ARHGAP32: variants seen among roughly 807,000 people sequenced by gnomAD.
ARHGAP32 encodes the protein rho GTPase-activating protein 32.
In ARHGAP32, 51 loss-of-function variants were observed where a neutral mutation model predicts 186.5. The ratio of observed to expected loss-of-function variants is 0.27; its 90% CI spans 0.22 to 0.35. The LOEUF (loss-of-function observed/expected upper bound fraction) is 0.35, where lower values mean the gene tolerates loss of function less well. ARHGAP32 is among the 10% of genes least tolerant of loss of function. The pLI is 1.00. For missense variants in ARHGAP32, 2,186 were observed against 2,623.5 expected (o/e 0.83, Z 3.64); for synonymous variants, 950 against 964.3 (o/e 0.99, Z 0.27).
intron 6 of ARHGAP32, among the ~76,000 whole-genome samples, chr11:129,082,128 C>T (rs1188704948): frequency 6.6e-6 from 1 of 151,970 alleles, no homozygotes; most frequent in Non-Finnish European, 1.5e-5. Context: ...CTAATGGAAA[C>T]ACATCCCATG....
At chr11:129,062,385 T>C (rs781527288) in intron 9 of ARHGAP32, 28 bp from the exon 10 acceptor site, 25 of 1,587,066 alleles carry the variant, frequency 1.6e-5, no homozygotes, top group Non-Finnish European at 8.6e-6. Context: ...TTAAGCAAAA[T>C]GGTTTTAGTT....
At chr11:129,233,805 A>G (rs982528109) in intron 1 of ARHGAP32, among the ~76,000 whole-genome samples, 6 of 152,068 alleles carry the variant, frequency 3.9e-5, no homozygotes, top group African/African-American at 1.4e-4. Flanking sequence ...TTAATATACT[A>G]AAGTTTTAAT....
chr11:129,058,826 A>C (rs1042156400), intron 10 of ARHGAP32, among the ~76,000 whole-genome samples: 1 of 152,244 alleles, frequency 6.6e-6, no homozygotes, highest in African/African-American at 2.4e-5. Context: ...TGTCTGATGT[A>C]CAGTTACCAT....
At chr11:129,242,653 G>C (rs1411386476) in intron 1 of ARHGAP32, among the ~76,000 whole-genome samples, 1 of 150,940 alleles carries the variant, frequency 6.6e-6, no homozygotes, top group Non-Finnish European at 1.5e-5. Flanking sequence ...GGGAGGTGGA[G>C]CTTGCAGTGA....
At chr11:129,160,545 G>A (rs991484793) in intron 2 of ARHGAP32, among the ~76,000 whole-genome samples, 1 of 152,010 alleles carries the variant, frequency 6.6e-6, no homozygotes, top group Non-Finnish European at 1.5e-5. Flanking sequence ...AAAATACCTA[G>A]GATGATGATA....
chr11:129,093,805 T>G (rs1941652799), intron 5 of ARHGAP32, 98 bp from the exon 6 acceptor site: 1 of 809,976 alleles, frequency 1.2e-6, no homozygotes. Context: ...CATCTCCGGG[T>G]GAGCATCAGC....
rs528308891 is a variant in ARHGAP32, at chr11:129,022,511, T to C, written c.1045+18417A>G. On this transcript the variant is annotated intron_variant, in intron 11 of 22. Coordinates refer to ENST00000682385, the MANE Select transcript of ARHGAP32 (RefSeq NM_001378024.1). ...AATTCAGTCCCTAATCACTTTCCAG[T>C]TGCAAGATCTTGAGCAAATTACCTA... 3.9e-5 allele frequency among the ~76,000 whole-genome samples: 6 copies of C among 152,284 alleles called. No homozygotes were observed. The East Asian group carries it at 7.7e-4, about 20-fold the overall frequency.
intron 2 of ARHGAP32, among the ~76,000 whole-genome samples, chr11:129,136,256 G>A (rs116962463): frequency 0.014 from 2,082 of 152,248 alleles, 23 homozygotes; most frequent in Non-Finnish European, 0.017. Flanking sequence ...TAAGGCCCAC[G>A]TAAGATTCTA....
chr11:129,042,486 C>G (rs978692564), intron 10 of ARHGAP32, among the ~76,000 whole-genome samples: 2 of 152,024 alleles, frequency 1.3e-5, no homozygotes, highest in African/African-American at 4.8e-5. Context: ...TTTTACGGAA[C>G]AAGTAGAAAT....
chr11:129,220,824 T>C (rs541925723), intron 1 of ARHGAP32, among the ~76,000 whole-genome samples: 2 of 152,304 alleles, frequency 1.3e-5, no homozygotes, highest in South Asian at 4.1e-4. Context: ...CCAAGTTATA[T>C]TTTATTCATT....
intron 19 of ARHGAP32, 75 bp downstream of exon 19, chr11:128,978,695 T>C (rs1009841396): frequency 6.9e-7 from 1 of 1,453,474 alleles, no homozygotes; most frequent in Non-Finnish European, 9.2e-7. Context: ...ATCATAACAA[T>C]ATGTGAAGAA....
At chr11:129,205,381 T>C (rs1944503392) in intron 1 of ARHGAP32, among the ~76,000 whole-genome samples, 1 of 152,186 alleles carries the variant, frequency 6.6e-6, no homozygotes. Context: ...TTTTCACTAT[T>C]ACAGGTACTA....
intron 1 of ARHGAP32, among the ~76,000 whole-genome samples, chr11:129,216,832 A>AG (rs1944654366): frequency 6.6e-6 from 1 of 151,948 alleles, no homozygotes; most frequent in Non-Finnish European, 1.5e-5. Context: ...TGTTTTTATA[A>AG]GTTTTTTTCT....
intron 1 of ARHGAP32, among the ~76,000 whole-genome samples, chr11:129,207,131 C>T (rs558526184): frequency 1.3e-5 from 2 of 152,276 alleles, no homozygotes; most frequent in African/African-American, 2.4e-5. Context: ...ATATGTGCCA[C>T]ATTTTCTTTA....
At chr11:129,060,750 A>G (rs1940467219) in intron 10 of ARHGAP32, among the ~76,000 whole-genome samples, 1 of 152,176 alleles carries the variant, frequency 6.6e-6, no homozygotes, top group Non-Finnish European at 1.5e-5. Context: ...GATAGATAAA[A>G]TTAAACTTGT....
chr11:129,083,331 T>G (rs764268166), intron 6 of ARHGAP32, among the ~76,000 whole-genome samples: 3 of 152,170 alleles, frequency 2.0e-5, no homozygotes, highest in Non-Finnish European at 4.4e-5. Context: ...GCAGCCCAAA[T>G]GCCCATTTAT....
Position 129,093,639 on chromosome 11 carries a change from G to T in ARHGAP32, c.513C>A (p.Leu171=). The T allele has an allele frequency of 6.2e-7, 1 of 1,605,214 alleles. No individual in the cohort carries two copies. The highest frequency in any genetic ancestry group is 8.5e-7 in the Non-Finnish European group (1 of 1,175,352). Residue 171 remains leucine (L), a synonymous_variant, in exon 6 of 23, where the codon CTC becomes CTA. Coordinates refer to ENST00000682385, the MANE Select transcript of ARHGAP32 (RefSeq NM_001378024.1). ...NGCESKELVY[L]VQIACQGKSW... ...AAATCACCTGACAAGCAATCTGCAC[G>T]AGGTAGACCAGCTCTTTAGATTCAC...
intron 2 of ARHGAP32, among the ~76,000 whole-genome samples, chr11:129,135,142 A>G (rs934407127): frequency 7.9e-5 from 12 of 152,250 alleles, no homozygotes; most frequent in African/African-American, 2.4e-4. Context: ...CTTCCCCAAT[A>G]TTATCTGTAG....
At chr11:129,048,745 C>G (rs1222983748) in intron 10 of ARHGAP32, among the ~76,000 whole-genome samples, 1 of 152,042 alleles carries the variant, frequency 6.6e-6, no homozygotes, top group Non-Finnish European at 1.5e-5. Flanking sequence ...AATTTCTTTT[C>G]CCAGTTGCCA....
Sources: gnomAD v4.1 joint callset for allele counts (sites outside exome capture counted in the v4.1 genomes callset) on GRCh38, gnomAD v4.1.1 for gene constraint, MANE v1.5 for transcripts, NCBI Gene and HGNC (gene_info 2026-07-23, HGNC 2026-07-21) for gene names.